KLC1: variants seen among roughly 807,000 people sequenced by gnomAD.
KLC1 encodes kinesin 2 60/70kDa.
Under a neutral mutation model 84.2 loss-of-function variants are expected in KLC1, and 30 were observed. The ratio of observed to expected loss-of-function variants is 0.36; its 90% confidence interval spans 0.27 to 0.48. KLC1 has a LOEUF of 0.48. KLC1 is among the 20% of genes least tolerant of loss of function. KLC1 has a pLI of 0.99. For missense variants in KLC1, 499 were observed against 805.4 expected, an observed-to-expected ratio of 0.62 and a Z score of 4.60; for synonymous variants, 289 against 293.3, an observed-to-expected ratio of 0.99 and a Z score of 0.15.
Position 103,659,798 on chromosome 14 carries a change from A to T in KLC1, c.492+2022A>T, listed in dbSNP as rs540070085. On this transcript the variant is annotated intron_variant, in intron 3 of 16. Transcript: ENST00000334553. ...TACTGTAACAAATACCACGGGCTGG[A>T]TGGCTTAACATTTATTTTCTCATAG... 4.7e-4 allele frequency among the ~76,000 whole-genome samples: 71 copies of T among 152,130 alleles called. 1 individual carries two copies. The South Asian group carries it at 0.013, about 27-fold the overall frequency.
intron 1 of KLC1, among the ~76,000 whole-genome samples, chr14:103,638,875 TAGGGTGTATGTGTGTGAGCACA>T (rs1189976785): frequency 6.6e-6 from 1 of 151,340 alleles, no homozygotes; most frequent in East Asian, 1.9e-4. Context: ...TGTATGAACA[TAGGGTGTATGTGTGTGAGCACA>T]AGGGTGTGTG....
intron 1 of KLC1, among the ~76,000 whole-genome samples, chr14:103,643,965 C>T (rs573417789): frequency 5.2e-4 from 79 of 152,132 alleles, no homozygotes; most frequent in African/African-American, 1.9e-3. Context: ...CCTGTAATCC[C>T]AGCACTTTGA....
chr14:103,682,800 T>G (rs2151793211), intron 13 of KLC1: 1 of 150,510 alleles, frequency 6.6e-6, no homozygotes, highest in South Asian at 2.1e-4. Flanking sequence ...TTTTTTTTTT[T>G]TTGAGATGGA....
Position 103,701,288 on chromosome 14 carries a change from C to G in KLC1, c.*89C>G, listed in dbSNP as rs1417599832. ...ACAGCCAGGGCGGCAGGGAGGGCCC[C>G]TGGCCGGGAGCCGCAGCGCTCACTC... On this transcript the variant is annotated 3_prime_UTR_variant, in exon 17 of 17. Coordinates refer to ENST00000334553, the MANE Select transcript of KLC1 (RefSeq NM_001394837.1). 3 of 1,428,614 alleles carry G rather than the reference C, an allele frequency of 2.1e-6. No individual in the cohort carries two copies. Among genetic ancestry groups the G allele is most frequent in the Non-Finnish European group, 2.9e-6 (3 of 1,044,284 alleles). 88.5% of individuals were successfully genotyped at this position (1,428,614 alleles called of 1,614,324 possible). A position where few individuals can be genotyped will look rare whatever the true frequency, so the allele number is the denominator to read the frequency against.
chr14:103,681,102 C>G (rs1296356052), intron 13 of KLC1, among the ~76,000 whole-genome samples: 1 of 152,200 alleles, frequency 6.6e-6, no homozygotes, highest in African/African-American at 2.4e-5. Context: ...TTCCACGCTT[C>G]CTTTCTCACT....
At chr14:103,697,359 A>G (rs1408928945) in intron 15 of KLC1, among the ~76,000 whole-genome samples, 2 of 152,002 alleles carry the variant, frequency 1.3e-5, no homozygotes, top group Admixed American at 6.6e-5. Flanking sequence ...CTTTCCCCCA[A>G]CCAGTGCCAG....
Position 103,675,586 on chromosome 14 carries a change from AAG to A in KLC1, c.1300_1301del (p.Glu434ArgfsTer25), listed in dbSNP as rs1378182608. ...AACCCATCTGGATGCATGCTGAAGA[AAG>A]AGAAGAATGCAAAGTAAGAATTTAT... The part of the protein sequence containing the change: ...NKPIWMHAEE[R>X]EECKGKQKDG... On this transcript the variant is annotated frameshift_variant, in exon 10 of 17. Coordinates refer to ENST00000334553, the MANE Select transcript of KLC1 (RefSeq NM_001394837.1). LOFTEE classifies it high-confidence loss of function. 1 of 1,613,004 alleles carries A rather than the reference AAG, an allele frequency of 6.2e-7. No individual in the cohort carries two copies. The highest frequency in any genetic ancestry group is 8.5e-7 in the Non-Finnish European group (1 of 1,179,276).
chr14:103,649,788 C>T (rs540713223), intron 1 of KLC1, among the ~76,000 whole-genome samples: 229 of 151,914 alleles, frequency 1.5e-3, no homozygotes, highest in Non-Finnish European at 2.7e-3. Flanking sequence ...CTTCGTCTCC[C>T]GGGTTCACGC....
intron 1 of KLC1, among the ~76,000 whole-genome samples, chr14:103,638,118 C>T (rs986795473): frequency 6.6e-6 from 1 of 151,968 alleles, no homozygotes; most frequent in African/African-American, 2.4e-5. Flanking sequence ...TGGGACCTGA[C>T]CCTGCTGATC....
In KLC1 at chr14:103,672,956, A is replaced by T. The variant is rs562131892; in HGVS notation, c.988-58A>T. 5.4e-5 allele frequency: 80 copies of T among 1,475,090 alleles called. No homozygotes were observed. In the South Asian group the frequency reaches 8.8e-4, roughly 16 times the overall value. 91.4% of individuals were successfully genotyped at this position (1,475,090 alleles called of 1,614,324 possible). ...AGATCCTGATGTGACAGTAGGGTGG[A>T]GAATGGATTGGATGGAAGCAGAACA... On this transcript the variant is annotated intron_variant, in intron 7 of 16. Coordinates refer to ENST00000334553, the MANE Select transcript of KLC1 (RefSeq NM_001394837.1).
intron 1 of KLC1, among the ~76,000 whole-genome samples, chr14:103,629,968 C>G (rs1314355568): frequency 1.3e-5 from 2 of 152,026 alleles, no homozygotes; most frequent in East Asian, 1.9e-4. Flanking sequence ...TGGCTTTGTC[C>G]GATTCCTCCT....
intron 1 of KLC1, among the ~76,000 whole-genome samples, chr14:103,653,813 A>G (rs1433429811): frequency 6.6e-6 from 1 of 152,192 alleles, no homozygotes; most frequent in Non-Finnish European, 1.5e-5. Flanking sequence ...ATGGGTTTTT[A>G]AGACTTAGAA....
At chr14:103,654,893 A>G in intron 2 of KLC1, 68 bp downstream of exon 2, 1 of 1,507,008 alleles carries the variant, frequency 6.6e-7, no homozygotes, top group South Asian at 1.3e-5. Context: ...TGTTTGAAAT[A>G]AGCAGTTTCA....
At chr14:103,679,242 C>A in intron 12 of KLC1, 142 bp from the exon 13 acceptor site, 1 of 1,141,866 alleles carries the variant, frequency 8.8e-7, no homozygotes, top group Non-Finnish European at 1.2e-6. Context: ...TCACCCCCTC[C>A]AAGGAACCAC....
chr14:103,636,440 G>A (rs11624505), intron 1 of KLC1, among the ~76,000 whole-genome samples: 46,235 of 151,934 alleles, frequency 0.3, 7,595 homozygotes, highest in Middle Eastern at 0.38. Flanking sequence ...GGCTGGTCTT[G>A]AACTCCTGAC....
intron 8 of KLC1, 56 bp from the exon 9 acceptor site, chr14:103,673,276 G>A (rs759514618): frequency 9.7e-6 from 15 of 1,552,166 alleles, no homozygotes; most frequent in African/African-American, 1.4e-5. Flanking sequence ...AGATTAAAAT[G>A]TATGCTTTAT....
In KLC1 at chr14:103,693,294, A is replaced by G. The variant is rs2082224692; in HGVS notation, c.1848+869A>G. ...CTCGGTGGCTGTTAAAGAGGCTTGT[A>G]GGGTGCTGGACATGTTGCTTGAAGC... On this transcript the variant is annotated intron_variant, in intron 15 of 16. Transcript: ENST00000334553. This position sits in a 1 kb window ranked among gnomAD's most constrained non-coding sequence, Gnocchi z 5.1. Among the ~76,000 whole-genome samples, 1 of 152,032 alleles carries G rather than the reference A, an allele frequency of 6.6e-6. No individual in the cohort carries two copies.
chr14:103,679,338 C>G (rs1471981947), intron 12 of KLC1, 46 bp from the exon 13 acceptor site: 2 of 1,490,774 alleles, frequency 1.3e-6, no homozygotes, highest in Non-Finnish European at 1.8e-6. Context: ...CTAAGAAAAT[C>G]TTAAGTGCTA....
chr14:103,637,009 C>T (rs549046663), intron 1 of KLC1, among the ~76,000 whole-genome samples: 4 of 150,308 alleles, frequency 2.7e-5, no homozygotes, highest in South Asian at 4.2e-4. Context: ...TATTAACAGG[C>T]GTGAGCCACC....
Sources: gnomAD v4.1 joint callset for allele counts (sites outside exome capture counted in the v4.1 genomes callset) on GRCh38, gnomAD v4.1.1 for gene constraint, Gnocchi (gnomAD v3.1) non-coding constraint, MANE v1.5 for transcripts, NCBI Gene and HGNC (gene_info 2026-07-23, HGNC 2026-07-21) for gene names.